The following SLC4A4 variants were observed in gnomAD, a reference collection of about 807,000 sequenced individuals.
The protein encoded by SLC4A4 is solute carrier family 4 member 4.
SLC4A4 carries 27 observed loss-of-function variants against 111.5 expected under a neutral mutation model. The observed-to-expected ratio is 0.24, with a 90% CI of 0.18 to 0.33. The LOEUF is 0.33. SLC4A4 is among the 10% of genes least tolerant of loss of function. The pLI is 1.00. For synonymous variants in SLC4A4, 443 were observed against 463.4 expected, an observed-to-expected ratio of 0.96 and a Z score of 0.57; for missense variants, 909 against 1,315.5, an observed-to-expected ratio of 0.69 and a Z score of 4.78.
rs147261946 is a variant in SLC4A4, at chr4:71,560,096, T to C, written c.2941T>C (p.Leu981=). 3,932 of 1,609,274 alleles carry C rather than the reference T, an allele frequency of 2.4e-3. 120 individuals carry two copies. In the South Asian group the frequency reaches 0.04, roughly 17 times the overall value. Reference sequence around the variant, plus strand: ...CTTTTAATATTTGCTCTTTCAGATCTTGGCACTTGTAGCTGTCAGAAAAGG... The same window carrying C: ...CTTTTAATATTTGCTCTTTCAGATCCTGGCACTTGTAGCTGTCAGAAAAGG... ...VAAIIFPVMI[L]ALVAVRKGMD... is the part of the protein sequence containing the mutation. The change falls in exon 23 of 26, where the codon TTG becomes CTG. Residue 981 remains leucine, a synonymous_variant. Transcript: ENST00000264485.
At chr4:71,078,829 T>C (rs1429497256) in intron 1 of SLC4A4, among the ~76,000 whole-genome samples, 2 of 152,066 alleles carry the variant, frequency 1.3e-5, no homozygotes, top group Non-Finnish European at 2.9e-5. Context: ...TTTGTTTGTT[T>C]TTTTTTTGAG....
At chr4:71,091,607 G>T (rs1348737226) in intron 1 of SLC4A4, among the ~76,000 whole-genome samples, 1 of 152,024 alleles carries the variant, frequency 6.6e-6, no homozygotes, top group East Asian at 1.9e-4. Context: ...AGGTGGTATT[G>T]GTTAAGTCCA....
intron 5 of SLC4A4, among the ~76,000 whole-genome samples, chr4:71,350,835 C>T (rs1398053328): frequency 1.3e-5 from 2 of 152,078 alleles, no homozygotes; most frequent in Admixed American, 6.6e-5. Context: ...ATCTTCTTCC[C>T]CATAATCCCA....
At chr4:71,361,914 A>G (rs1730828436) in intron 6 of SLC4A4, among the ~76,000 whole-genome samples, 1 of 152,218 alleles carries the variant, frequency 6.6e-6, no homozygotes, top group African/African-American at 2.4e-5. Flanking sequence ...CAAGCATAAC[A>G]ACTGCATTTT....
At chr4:71,254,972 A>G (rs554126744) in intron 2 of SLC4A4, among the ~76,000 whole-genome samples, 15 of 152,316 alleles carry the variant, frequency 9.8e-5, no homozygotes, top group South Asian at 2.1e-4. Flanking sequence ...TGGTTTTCCT[A>G]AACAAAAGTA....
intron 3 of SLC4A4, among the ~76,000 whole-genome samples, chr4:71,265,715 T>A (rs1722194983): frequency 6.6e-6 from 1 of 152,178 alleles, no homozygotes; most frequent in Non-Finnish European, 1.5e-5. Flanking sequence ...ACCATGATTT[T>A]CAAATGATCA....
chr4:71,520,171 A>G (rs1050905297), intron 16 of SLC4A4, among the ~76,000 whole-genome samples: 1 of 152,196 alleles, frequency 6.6e-6, no homozygotes, highest in Non-Finnish European at 1.5e-5. Context: ...TCCTCACACC[A>G]ACAATTCACA....
At chr4:71,165,566 T>A (rs2148979514) in intron 2 of SLC4A4, among the ~76,000 whole-genome samples, 1 of 152,024 alleles carries the variant, frequency 6.6e-6, no homozygotes, top group Admixed American at 6.6e-5. Flanking sequence ...GGTGGGGGAC[T>A]AGGGGACAGG....
intron 18 of SLC4A4, among the ~76,000 whole-genome samples, chr4:71,536,474 A>ATATATATATATATATG: frequency 1.1e-5 from 1 of 89,346 alleles, no homozygotes; most frequent in Non-Finnish European, 2.2e-5. Context: ...ACATATATAT[A>ATATATATATATATATG]TATATATATA....
intron 16 of SLC4A4, among the ~76,000 whole-genome samples, chr4:71,527,016 A>G (rs1733481016): frequency 6.6e-6 from 1 of 152,090 alleles, no homozygotes; most frequent in South Asian, 2.1e-4. Flanking sequence ...TTCCTAAACT[A>G]GTGGATTGGC....
intron 2 of SLC4A4, among the ~76,000 whole-genome samples, chr4:71,122,363 A>G (rs1743457728): frequency 6.6e-6 from 1 of 151,770 alleles, no homozygotes; most frequent in African/African-American, 2.4e-5. Context: ...AGTCACCTTC[A>G]GTGAGAGGGC....
intron 7 of SLC4A4, among the ~76,000 whole-genome samples, chr4:71,419,313 G>A (rs1028950474): frequency 6.6e-6 from 1 of 152,216 alleles, no homozygotes; most frequent in East Asian, 1.9e-4. Flanking sequence ...GCCTACAGAG[G>A]CAGGCAGGCC....
chr4:71,486,999 C>T lies in SLC4A4; in HGVS notation c.1955C>T (p.Thr652Ile). The T allele has an allele frequency of 6.3e-7, 1 of 1,596,662 alleles. No homozygotes were observed. Among genetic ancestry groups the T allele is most frequent in the Non-Finnish European group, 8.6e-7 (1 of 1,165,830 alleles). ...DTTLAPEYLP[T>I]MSSTDMYHNT... is the part of the protein sequence containing the mutation. ...ACACTGGCCCCAGAGTATTTGCCAA[C>T]TATGTCTTCTACTGACATGGTAAGT... The change falls in exon 15 of 26, where the codon ACT becomes ATT. Residue 652 changes from threonine (T) to isoleucine (I), a missense_variant. Around this residue, in one of 7 missense-constraint regions of SLC4A4, gnomAD observed 264 missense variants for 356.8 expected, o/e 0.74. Transcript: ENST00000264485.
At chr4:71,443,069 C>A (rs1724873514) in intron 8 of SLC4A4, among the ~76,000 whole-genome samples, 1 of 126,310 alleles carries the variant, frequency 7.9e-6, no homozygotes, top group Admixed American at 8.5e-5. Context: ...TTATGTCTAT[C>A]CACAGAGGCC....
intron 6 of SLC4A4, among the ~76,000 whole-genome samples, chr4:71,387,377 A>ATTTTTTTTTTTTGTGTTTT (rs1718845307): frequency 6.6e-6 from 1 of 152,066 alleles, no homozygotes; most frequent in Non-Finnish European, 1.5e-5. Flanking sequence ...TTTTGTAAAA[A>ATTTTTTTTTTTTGTGTTTT]GTGTTTTTTT....
At chr4:71,470,697 T>A (rs898223410) in intron 13 of SLC4A4, among the ~76,000 whole-genome samples, 1 of 152,024 alleles carries the variant, frequency 6.6e-6, no homozygotes, top group Non-Finnish European at 1.5e-5. Flanking sequence ...TATAAAGAGT[T>A]GGCTCATGCA....
intron 6 of SLC4A4, among the ~76,000 whole-genome samples, chr4:71,361,404 G>C (rs1182204635): frequency 6.6e-6 from 1 of 152,130 alleles, no homozygotes; most frequent in Non-Finnish European, 1.5e-5. Context: ...ATAAATCAGG[G>C]AACAGTGAGG....
At chr4:71,197,326 A>G (rs1430652149) in intron 1 of SLC4A4, among the ~76,000 whole-genome samples, 1 of 152,184 alleles carries the variant, frequency 6.6e-6, no homozygotes, top group African/African-American at 2.4e-5. Flanking sequence ...ATTGTAATGA[A>G]GTTTGGAACC....
At chr4:71,239,464 C>T (rs1476099055) in intron 2 of SLC4A4, among the ~76,000 whole-genome samples, 1 of 152,140 alleles carries the variant, frequency 6.6e-6, no homozygotes, top group Non-Finnish European at 1.5e-5. Context: ...CTCTTAGTTG[C>T]TTCGAATGCT....
Sources: gnomAD v4.1 joint callset for allele counts (sites outside exome capture counted in the v4.1 genomes callset) on GRCh38, gnomAD v4.1.1 for gene constraint, gnomAD v4.1.1 regional missense constraint, MANE v1.5 for transcripts, NCBI Gene and HGNC (gene_info 2026-07-23, HGNC 2026-07-21) for gene names.